DCLK1: variants seen among roughly 807,000 people sequenced by gnomAD.
DCLK1 encodes serine/threonine-protein kinase DCLK1.
Under a neutral mutation model 86.2 loss-of-function variants are expected in DCLK1, and 16 were observed. That is an observed-to-expected ratio of 0.19 (90% CI 0.13 to 0.28). The LOEUF is 0.28. Ranked by LOEUF, DCLK1 falls within the 10% of genes least tolerant of loss-of-function variation. The pLI is 1.00. For missense variants in DCLK1, 590 were observed against 940.2 expected, an observed-to-expected ratio of 0.63 and a Z score of 4.87; for synonymous variants, 369 against 370.5, an observed-to-expected ratio of 1.00 and a Z score of 0.05.
chr13:36,040,321 A>G (rs182465857), intron 3 of DCLK1, among the ~76,000 whole-genome samples: 1 of 142,724 alleles, frequency 7.0e-6, no homozygotes, highest in Admixed American at 6.9e-5. Context: ...GATGACCTTG[A>G]CAGTTTGAGG....
intron 3 of DCLK1, among the ~76,000 whole-genome samples, chr13:35,948,628 T>C (rs1877508227): frequency 6.6e-6 from 1 of 152,218 alleles, no homozygotes. Context: ...CAATGATGTG[T>C]GGGCTTTAGA....
At chr13:35,915,328 C>T (rs1208049072) in intron 4 of DCLK1, among the ~76,000 whole-genome samples, 1 of 152,174 alleles carries the variant, frequency 6.6e-6, no homozygotes, top group Non-Finnish European at 1.5e-5. Context: ...AATCATAGCA[C>T]CCTGATGTTA....
intron 3 of DCLK1, among the ~76,000 whole-genome samples, chr13:36,078,110 G>A (rs928187221): frequency 3.9e-5 from 6 of 152,150 alleles, no homozygotes; most frequent in African/African-American, 1.4e-4. Context: ...CCCATCATGG[G>A]ATTAGTGCTC....
At chr13:35,805,487 T>C (rs1013827891) in intron 15 of DCLK1, 7 of 463,998 alleles carry the variant, frequency 1.5e-5, no homozygotes, top group Middle Eastern at 4.7e-4. Context: ...TTGGTAGAGA[T>C]GGGGTTTTGC....
chr13:35,904,224 T>C (rs1225047696), intron 4 of DCLK1, among the ~76,000 whole-genome samples: 2 of 152,124 alleles, frequency 1.3e-5, no homozygotes, highest in African/African-American at 4.8e-5. Flanking sequence ...AGAAAAACTT[T>C]TTTGTTTTTG....
intron 11 of DCLK1, among the ~76,000 whole-genome samples, chr13:35,822,323 A>T (rs1330300763): frequency 1.8e-5 from 2 of 112,788 alleles, no homozygotes; most frequent in African/African-American, 3.1e-5. Context: ...CCGGCTAATT[A>T]AAAAAAATTT....
chr13:35,819,230 T>C (rs1593623902), intron 11 of DCLK1, among the ~76,000 whole-genome samples: 2 of 152,302 alleles, frequency 1.3e-5, no homozygotes, highest in Non-Finnish European at 2.9e-5. Context: ...GTATTTTTTA[T>C]TGGGTCAATG....
intron 6 of DCLK1, among the ~76,000 whole-genome samples, chr13:35,841,800 T>G (rs532668985): frequency 3.3e-5 from 5 of 152,280 alleles, no homozygotes; most frequent in Admixed American, 2.6e-4. Context: ...ATCTCTTTTT[T>G]CCCAAAGAAG....
intron 15 of DCLK1, among the ~76,000 whole-genome samples, chr13:35,796,386 C>T (rs576754478): frequency 1.1e-3 from 169 of 152,122 alleles, no homozygotes; most frequent in African/African-American, 3.7e-3. Context: ...TTGAAAGATA[C>T]GAGAAAGGGC....
rs149199038 is a variant in DCLK1, at chr13:35,816,822, C to T, written c.1555-5854G>A. Among the ~76,000 whole-genome samples, 252 of 152,006 alleles carry T rather than the reference C, an allele frequency of 1.7e-3. 1 individual carries two copies. Among genetic ancestry groups the T allele is most frequent in the African/African-American group, 3.5e-3 (147 of 41,470 alleles). On this transcript the variant is annotated intron_variant, in intron 11 of 16. Transcript: ENST00000360631. ...ATATATACCGTTTGGGTTTTTTTTC[C>T]TCATACTGCAAAACCCTGATGTGAA...
chr13:36,040,246 C>T (rs1448130190), intron 3 of DCLK1, among the ~76,000 whole-genome samples: 1 of 150,872 alleles, frequency 6.6e-6, no homozygotes, highest in African/African-American at 2.4e-5. Context: ...CACCACATTA[C>T]ATTTAGTCGT....
At chr13:35,914,330 A>AT (rs1875240351) in intron 4 of DCLK1, among the ~76,000 whole-genome samples, 1 of 91,952 alleles carries the variant, frequency 1.1e-5, no homozygotes, top group African/African-American at 4.5e-5. Flanking sequence ...AGAAAAAAAA[A>AT]AAATATATAT....
chr13:35,828,359 T>G (rs1233041763), intron 8 of DCLK1, 52 bp from the exon 9 acceptor site: 3 of 1,454,780 alleles, frequency 2.1e-6, no homozygotes, highest in African/African-American at 1.4e-5. Flanking sequence ...TCAAATCTAT[T>G]GAATTATTTT....
intron 15 of DCLK1, 122 bp downstream of exon 15, chr13:35,805,577 G>A: frequency 1.0e-6 from 1 of 965,300 alleles, no homozygotes; most frequent in Non-Finnish European, 1.6e-6. Flanking sequence ...GAGATTACAG[G>A]CGTGAGACAC....
chr13:35,856,740 AT>A (rs1871083956), intron 5 of DCLK1, among the ~76,000 whole-genome samples: 1 of 152,204 alleles, frequency 6.6e-6, no homozygotes, highest in Non-Finnish European at 1.5e-5. Context: ...TATTGAAGGC[AT>A]TTTTATGCAC....
chr13:36,101,852 T>C (rs1327817171), intron 3 of DCLK1, among the ~76,000 whole-genome samples: 1 of 152,158 alleles, frequency 6.6e-6, no homozygotes, highest in Non-Finnish European at 1.5e-5. Flanking sequence ...CAAGGGATTC[T>C]TCTGCCTCAG....
At chr13:36,042,486 T>G (rs760955519) in intron 3 of DCLK1, among the ~76,000 whole-genome samples, 6 of 152,208 alleles carry the variant, frequency 3.9e-5, no homozygotes, top group Admixed American at 3.3e-4. Context: ...TTCTTCTATG[T>G]GTGTCCTTAT....
chr13:36,085,346 G>GT (rs201760712), intron 3 of DCLK1, among the ~76,000 whole-genome samples: 34 of 151,802 alleles, frequency 2.2e-4, no homozygotes, highest in African/African-American at 6.5e-4. Context: ...AGTTTATTGT[G>GT]TTTTTTTTCC....
intron 3 of DCLK1, among the ~76,000 whole-genome samples, chr13:36,089,898 T>C (rs1489472654): frequency 6.6e-6 from 1 of 152,232 alleles, no homozygotes; most frequent in Non-Finnish European, 1.5e-5. Context: ...TGGTGACTAA[T>C]CATTATTTCA....
Sources: gnomAD v4.1 joint callset for allele counts (sites outside exome capture counted in the v4.1 genomes callset) on GRCh38, gnomAD v4.1.1 for gene constraint, MANE v1.5 for transcripts, NCBI Gene and HGNC (gene_info 2026-07-23, HGNC 2026-07-21) for gene names.